The following ABCB11 variants were observed in gnomAD, a reference collection of about 807,000 sequenced individuals.
ABCB11 encodes ATP binding cassette subfamily B member 11.
Under a neutral mutation model 148.0 loss-of-function variants are expected in ABCB11, and 95 were observed. The observed-to-expected ratio is 0.64, with a 90% confidence interval of 0.54 to 0.76. The LOEUF (loss-of-function observed/expected upper bound fraction) is 0.76. Ranked by LOEUF, ABCB11 falls within the 30% of genes least tolerant of loss-of-function variation. The pLI is 0.00. For missense variants in ABCB11, 1,523 were observed against 1,617.8 expected (o/e 0.94, Z 1.01); for synonymous variants, 591 against 555.4 (o/e 1.06, Z -0.90).
intron 11 of ABCB11, among the ~76,000 whole-genome samples, chr2:168,978,130 G>A (rs1184513943): frequency 1.7e-5 from 2 of 115,398 alleles, no homozygotes; most frequent in Non-Finnish European, 3.5e-5. Flanking sequence ...TGAATAAATT[G>A]ACTTTTTTTT....
chr2:168,990,784 G>T lies in ABCB11; in HGVS notation c.908+17C>A. On this transcript the variant is annotated intron_variant, in intron 9 of 27. Coordinates refer to ENST00000650372, the MANE Select transcript of ABCB11 (RefSeq NM_003742.4). ...ATTGATGAAATTAAGGAAAGAATCA[G>T]ATTCCAATTAACCAACCTTTCAACC... is the stretch of plus-strand genomic sequence containing the variant. 6.2e-7 allele frequency: 1 copy of T among 1,612,132 alleles called. No individual in the cohort carries two copies. The highest frequency in any genetic ancestry group is 1.1e-5 in the South Asian group (1 of 91,036).
intron 23 of ABCB11, among the ~76,000 whole-genome samples, chr2:168,934,283 C>T (rs1486539334): frequency 1.3e-5 from 2 of 151,936 alleles, no homozygotes; most frequent in Admixed American, 6.6e-5. Flanking sequence ...AAAGAGATAC[C>T]AGGTGAGAAG....
At chr2:169,025,980 C>G (rs527524815) in intron 1 of ABCB11, among the ~76,000 whole-genome samples, 2 of 152,298 alleles carry the variant, frequency 1.3e-5, no homozygotes, top group South Asian at 4.1e-4. Flanking sequence ...AAATTGGATG[C>G]TGTTAAAAAG....
chr2:169,018,275 AG>A (rs1695425874), intron 1 of ABCB11, 123 bp from the exon 2 acceptor site: 1 of 862,468 alleles, frequency 1.2e-6, no homozygotes, highest in African/African-American at 1.7e-5. Context: ...CTCAGACAAA[AG>A]TTTTAAAATC....
At chr2:168,928,775 T>C (rs1005706830) in intron 25 of ABCB11, among the ~76,000 whole-genome samples, 1 of 152,210 alleles carries the variant, frequency 6.6e-6, no homozygotes, top group Non-Finnish European at 1.5e-5. Context: ...CTCTGACTTA[T>C]CAGAATTATA....
intron 3 of ABCB11, 50 bp downstream of exon 3, chr2:169,016,728 T>C: frequency 6.7e-7 from 1 of 1,498,794 alleles, no homozygotes; most frequent in South Asian, 1.2e-5. Context: ...ATATGAATAT[T>C]ATGGAGTTAT....
In ABCB11 at chr2:169,003,015, G is replaced by A. The variant is rs116908776; in HGVS notation, c.390-6293C>T. Among the ~76,000 whole-genome samples, 370 of 152,052 alleles carry A rather than the reference G, an allele frequency of 2.4e-3. 11 individuals carry two copies. The East Asian group carries it at 0.055, about 23-fold the overall frequency. On this transcript the variant is annotated intron_variant, in intron 5 of 27. Coordinates refer to ENST00000650372, the MANE Select transcript of ABCB11 (RefSeq NM_003742.4). ...AGGTGGTGTTGGGTTACATGAATAA[G>A]TTCTTTGATGGTGATTTCTGAGATT...
chr2:169,026,109 T>C (rs750793751), intron 1 of ABCB11, among the ~76,000 whole-genome samples: 2 of 152,250 alleles, frequency 1.3e-5, no homozygotes, highest in Non-Finnish European at 2.9e-5. Flanking sequence ...AAGTATAAAT[T>C]GACCTTGCAT....
downstream of ABCB11, among the ~76,000 whole-genome samples, chr2:168,919,645 CT>C (rs1398324474): frequency 2.0e-5 from 3 of 151,850 alleles, no homozygotes; most frequent in Admixed American, 2.0e-4. Flanking sequence ...AAAAAGCCCC[CT>C]TTTGTGGCTT....
intron 5 of ABCB11, among the ~76,000 whole-genome samples, chr2:169,004,798 G>A (rs1694973587): frequency 2.0e-5 from 3 of 152,128 alleles, no homozygotes; most frequent in South Asian, 2.1e-4. Flanking sequence ...GGAAGATCTG[G>A]GATTCATAGG....
chr2:168,977,660 G>A (rs984279644), intron 11 of ABCB11, among the ~76,000 whole-genome samples: 1 of 152,150 alleles, frequency 6.6e-6, no homozygotes, highest in African/African-American at 2.4e-5. Flanking sequence ...AGAAAGAAAA[G>A]AGTTTTAATT....
intron 21 of ABCB11, among the ~76,000 whole-genome samples, chr2:168,942,827 C>G (rs986039942): frequency 4.0e-5 from 6 of 151,780 alleles, no homozygotes; most frequent in Non-Finnish European, 7.4e-5. Flanking sequence ...TCAATTCAGA[C>G]TAGAGAATCT....
At chr2:168,970,753 C>A (rs969452062) in intron 14 of ABCB11, among the ~76,000 whole-genome samples, 17 of 152,130 alleles carry the variant, frequency 1.1e-4, no homozygotes, top group Admixed American at 5.2e-4. Context: ...TTATTACTAA[C>A]CAACATGAAT....
In ABCB11 at chr2:168,936,318, G is replaced by C; in HGVS notation, c.2726C>G (p.Pro909Arg). 1.2e-6 allele frequency: 2 copies of C among 1,613,952 alleles called. No homozygotes were observed. The highest frequency in any genetic ancestry group is 1.7e-6 in the Non-Finnish European group (2 of 1,179,890). ...KLSLVILCFF[P>R]FLALSGATQT... The stretch of plus-strand genomic sequence containing the variant: ...TGTGGCTCCTGATAAAGCCAAGAAG[G>C]GGAAGAAGCACAAGATGACCAGGCT... The change falls in exon 22 of 28, where the codon CCC (proline) becomes CGC (arginine). Residue 909 changes from proline to arginine, a missense_variant. Pro to Arg is a moderately radical substitution (Grantham distance 103, BLOSUM62 -2). Coordinates refer to ENST00000650372, the MANE Select transcript of ABCB11 (RefSeq NM_003742.4).
intron 12 of ABCB11, 97 bp downstream of exon 12, chr2:168,976,480 C>A: frequency 1.5e-6 from 1 of 668,234 alleles, no homozygotes. Flanking sequence ...TTACTGGAAA[C>A]AGAGTCAGGC....
intron 17 of ABCB11, among the ~76,000 whole-genome samples, chr2:168,967,598 T>G (rs1693374288): frequency 2.0e-5 from 3 of 151,924 alleles, no homozygotes; most frequent in African/African-American, 7.2e-5. Context: ...TCTGCGACTT[T>G]GCACAGCCTT....
chr2:168,944,711 C>A lies in ABCB11; in HGVS notation c.2504G>T (p.Gly835Val). ...ELLTKRLRKF[G>V]FRAMLGQDIA... ...ATCTTGCCCCAGCATTGCCCTGAAA[C>A]CAAATTTACGTAGCCTTTTTGTTAG... Residue 835 changes from glycine (G) to valine (V), a missense_variant, in exon 21 of 28, where the codon GGT (glycine) becomes GTT (valine). Coordinates refer to ENST00000650372, the MANE Select transcript of ABCB11 (RefSeq NM_003742.4). The A allele has an allele frequency of 6.2e-7, 1 of 1,612,850 alleles. No individual in the cohort carries two copies. The highest frequency in any genetic ancestry group is 8.5e-7 in the Non-Finnish European group (1 of 1,179,222).
In ABCB11 at chr2:168,930,849, C is replaced by A; in HGVS notation, c.3227G>T (p.Gly1076Val). The change falls in exon 25 of 28, where the codon GGG (glycine) becomes GTG (valine). Residue 1076 changes from glycine to valine, a missense_variant. Transcript: ENST00000650372. ...TAGEKWDNFQ[G>V]KIDFVDCKFT... ...TTTACAATCAACAAAATCAATCTTC[C>A]CCTGGAAGTTGTCCTGTGGATGGGA... is the stretch of plus-strand genomic sequence containing the variant. 1 of 1,599,972 alleles carries A rather than the reference C, an allele frequency of 6.3e-7. No homozygotes were observed. The highest frequency in any genetic ancestry group is 8.5e-7 in the Non-Finnish European group (1 of 1,173,346).
intron 21 of ABCB11, among the ~76,000 whole-genome samples, chr2:168,944,264 C>T (rs1692200119): frequency 7.7e-6 from 1 of 130,276 alleles, no homozygotes; most frequent in African/African-American, 2.6e-5. Context: ...GACTTCCTTG[C>T]CCTGTTCACC....
Sources: allele counts gnomAD v4.1 joint callset (sites outside exome capture counted in the v4.1 genomes callset), GRCh38; gene constraint gnomAD v4.1.1; transcripts MANE v1.5; gene names NCBI Gene and HGNC (gene_info 2026-07-23, HGNC 2026-07-21).